The following DRAM2 variants were observed in gnomAD, a reference collection of about 807,000 sequenced individuals.
DRAM2 encodes the protein DNA damage-regulated autophagy modulator protein 2.
Under a neutral mutation model 33.5 loss-of-function variants are expected in DRAM2, and 26 were observed. The observed-to-expected ratio is 0.78, with a 90% CI of 0.57 to 1.08. The LOEUF (loss-of-function observed/expected upper bound fraction) is 1.08, where lower values mean the gene tolerates loss of function less well. DRAM2 is among the 50% of genes least tolerant of loss of function. The pLI, the probability that DRAM2 is intolerant of heterozygous loss-of-function variation, is 0.00. For missense variants in DRAM2, 311 were observed against 318.1 expected (o/e 0.98, Z 0.17); for synonymous variants, 98 against 109.5 (o/e 0.89, Z 0.66).
intron 4 of DRAM2, among the ~76,000 whole-genome samples, chr1:111,131,003 C>T (rs909138528): frequency 6.6e-6 from 1 of 151,778 alleles, no homozygotes; most frequent in Non-Finnish European, 1.5e-5. Flanking sequence ...CAGAGCTAGA[C>T]TCCATCTCCA....
At chr1:111,123,448 T>A (rs1303522943) in intron 6 of DRAM2, among the ~76,000 whole-genome samples, 1 of 152,142 alleles carries the variant, frequency 6.6e-6, no homozygotes, top group Non-Finnish European at 1.5e-5. Flanking sequence ...TGGGTTGCCA[T>A]GTTCATCTCT....
At chr1:111,118,953 T>C (rs781367713) in intron 8 of DRAM2, 56 bp from the exon 9 acceptor site, 1 of 1,183,540 alleles carries the variant, frequency 8.4e-7, no homozygotes, top group South Asian at 1.7e-5. Flanking sequence ...ACGATCTATA[T>C]ACTATGTTTC....
At chr1:111,135,912 A>T (rs1219831317) in intron 3 of DRAM2, among the ~76,000 whole-genome samples, 1 of 152,200 alleles carries the variant, frequency 6.6e-6, no homozygotes, top group African/African-American at 2.4e-5. Flanking sequence ...AAAACTATTC[A>T]TGATTTTTCT....
In DRAM2 at chr1:111,118,169, T is replaced by C; in HGVS notation, c.792A>G (p.Arg264=). The change falls in exon 10 of 10, where the codon AGA becomes AGG. Residue 264 remains arginine, a synonymous_variant. Transcript: ENST00000484310. ...ATATTTTATCCTTTCATCAAATATC[T>C]CTGGAAAGTAGCCGTGTTCGTTCAT... ...INNERTRLLS[R]DI 2 of 1,611,872 alleles carry C rather than the reference T, an allele frequency of 1.2e-6. No individual in the cohort carries two copies. Among genetic ancestry groups the C allele is most frequent in the Non-Finnish European group, 1.7e-6 (2 of 1,178,132 alleles).
intron 5 of DRAM2, among the ~76,000 whole-genome samples, chr1:111,125,979 TAAC>T (rs1396234751): frequency 1.3e-5 from 2 of 152,192 alleles, no homozygotes; most frequent in Non-Finnish European, 2.9e-5. Flanking sequence ...TGGTTAGACT[TAAC>T]AACTTCCATT....
chr1:111,121,278 T>C (rs1254403840), intron 6 of DRAM2, among the ~76,000 whole-genome samples: 6 of 152,092 alleles, frequency 3.9e-5, no homozygotes. Flanking sequence ...GCTTGATTGG[T>C]TATATATAGT....
In DRAM2 at chr1:111,120,570, C is replaced by T. The variant is rs767437422; in HGVS notation, c.463G>A (p.Val155Ile). Residue 155 changes from valine to isoleucine, a missense_variant, in exon 7 of 10, where the codon GTC becomes ATC. Transcript: ENST00000484310. ...QMQPKIHGKQ[V>I]FWIRLLLVIW... ...ACCAACAACAGTCTGATCCAGAAGA[C>T]TTGTTTGCCATGGATTTTGGGCTGC... 3.2e-5 allele frequency: 51 copies of T among 1,612,238 alleles called. No homozygotes were observed. The highest frequency in any genetic ancestry group is 1.0e-5 in the Non-Finnish European group (12 of 1,179,008).
chr1:111,124,016 A>G (rs72691274), intron 6 of DRAM2, among the ~76,000 whole-genome samples: 246 of 152,286 alleles, frequency 1.6e-3, no homozygotes, highest in Non-Finnish European at 2.0e-3. Context: ...ATAGCACACA[A>G]AACAAACCAA....
intron 5 of DRAM2, 34 bp downstream of exon 5, chr1:111,126,193 C>T (rs1451823104): frequency 1.4e-6 from 2 of 1,404,666 alleles, no homozygotes; most frequent in Non-Finnish European, 2.0e-6. Context: ...AGCAATTTGG[C>T]TATTATCATG....
At chr1:111,135,753 T>C (rs553824121) in intron 3 of DRAM2, among the ~76,000 whole-genome samples, 28 of 152,222 alleles carry the variant, frequency 1.8e-4, no homozygotes, top group Non-Finnish European at 3.7e-4. Flanking sequence ...TTAGAGCTCA[T>C]TGTCTCTACA....
At chr1:111,131,799 G>C (rs1051407926) in intron 3 of DRAM2, among the ~76,000 whole-genome samples, 2 of 152,146 alleles carry the variant, frequency 1.3e-5, no homozygotes, top group Non-Finnish European at 2.9e-5. Flanking sequence ...TCTTCCCATG[G>C]AAAGTACCAA....
At chr1:111,129,971 A>C (rs1290256607) in intron 4 of DRAM2, among the ~76,000 whole-genome samples, 1 of 152,178 alleles carries the variant, frequency 6.6e-6, no homozygotes, top group Non-Finnish European at 1.5e-5. Flanking sequence ...TTTGCTTTTC[A>C]TTTTTATAAT....
chr1:111,124,187 T>C (rs1212527516), intron 6 of DRAM2, among the ~76,000 whole-genome samples: 3 of 152,192 alleles, frequency 2.0e-5, no homozygotes, highest in African/African-American at 7.2e-5. Context: ...CTGTGGAGAA[T>C]TGAAAAATAT....
chr1:111,131,614 C>T (rs1652102511), intron 3 of DRAM2, 46 bp from the exon 4 acceptor site: 8 of 1,596,694 alleles, frequency 5.0e-6, no homozygotes, highest in Non-Finnish European at 6.8e-6. Context: ...ACAAGAGTTT[C>T]CTCATCCTAC....
chr1:111,131,606 AAG>A (rs768009030), intron 3 of DRAM2, 38 bp from the exon 4 acceptor site: 86 of 1,605,716 alleles, frequency 5.4e-5, no homozygotes, highest in Middle Eastern at 3.3e-4. Flanking sequence ...GATAATTCAC[AAG>A]AGTTTCCTCA....
chr1:111,130,118 G>A (rs901821408), intron 4 of DRAM2, among the ~76,000 whole-genome samples: 3 of 152,288 alleles, frequency 2.0e-5, no homozygotes, highest in East Asian at 1.9e-4. Context: ...CATAGTATAT[G>A]CAACTGACTA....
At chr1:111,133,178 C>T (rs971052944) in intron 3 of DRAM2, among the ~76,000 whole-genome samples, 5 of 134,568 alleles carry the variant, frequency 3.7e-5, no homozygotes, top group Admixed American at 7.5e-5. Flanking sequence ...CTTTACTTAC[C>T]TTTTTTTTTT....
chr1:111,129,880 T>C (rs768613961), intron 4 of DRAM2, among the ~76,000 whole-genome samples: 1 of 152,156 alleles, frequency 6.6e-6, no homozygotes, highest in Non-Finnish European at 1.5e-5. Flanking sequence ...GATAACAAGA[T>C]AAACCAAACT....
At chr1:111,126,117 A>G (rs1486399610) in intron 5 of DRAM2, 110 bp downstream of exon 5, 2 of 695,050 alleles carry the variant, frequency 2.9e-6, no homozygotes. Context: ...TAGTGATAAC[A>G]TACTCTCAAG....
Sources: allele counts gnomAD v4.1 joint callset (sites outside exome capture counted in the v4.1 genomes callset), GRCh38; gene constraint gnomAD v4.1.1; transcripts MANE v1.5; gene names NCBI Gene and HGNC (gene_info 2026-07-23, HGNC 2026-07-21).